Variants in EYS observed in about 807,000 individuals in gnomAD.
The protein encoded by EYS is protein eyes shut homolog.
A neutral mutation model predicts 282.1 loss-of-function variants in EYS; 250 were observed. The observed-to-expected ratio is 0.89, with a 90% CI of 0.80 to 0.98. EYS has a LOEUF of 0.98. Ranked by LOEUF, EYS falls within the 50% of genes least tolerant of loss-of-function variation. The probability of loss-of-function intolerance (pLI) is 0.00; values close to 1 mark genes in which losing one functional copy is unlikely to be tolerated. For synonymous variants in EYS, 1,355 were observed against 1,282.9 expected (o/e 1.06, Z -1.20); for missense variants, 4,016 against 3,709.0 (o/e 1.08, Z -2.15).
intron 1 of EYS, among the ~76,000 whole-genome samples, chr6:65,674,263 G>A (rs1428423020): frequency 6.6e-6 from 1 of 151,440 alleles, no homozygotes; most frequent in Non-Finnish European, 1.5e-5. Context: ...ATTGGGGCAA[G>A]GAAATGAACA....
intron 14 of EYS, among the ~76,000 whole-genome samples, chr6:64,992,863 G>A (rs1771114038): frequency 6.6e-6 from 1 of 151,940 alleles, no homozygotes; most frequent in African/African-American, 2.4e-5. Flanking sequence ...TGTATTCCTG[G>A]AGAAAGAAGA....
chr6:63,835,799 C>T (rs528567305), intron 36 of EYS, among the ~76,000 whole-genome samples: 13 of 151,998 alleles, frequency 8.6e-5, no homozygotes, highest in Non-Finnish European at 1.5e-4. Flanking sequence ...ACTTATTAAT[C>T]CTTCTAACTT....
At chr6:64,318,978 CCT>C (rs1239211512) in intron 29 of EYS, among the ~76,000 whole-genome samples, 8 of 151,702 alleles carry the variant, frequency 5.3e-5, no homozygotes, top group African/African-American at 1.9e-4. Flanking sequence ...TTATAGTCAC[CCT>C]GTTATACTAT....
At chr6:64,489,150 G>GAGAGATTTATT (rs1450444573) in intron 26 of EYS, among the ~76,000 whole-genome samples, 1 of 150,778 alleles carries the variant, frequency 6.6e-6, no homozygotes, top group East Asian at 1.9e-4. Context: ...CTTTTTTATG[G>GAGAGATTTATT]AGAGATTTAT....
chr6:64,344,710 A>T (rs1279480192), intron 29 of EYS, among the ~76,000 whole-genome samples: 1 of 152,100 alleles, frequency 6.6e-6, no homozygotes, highest in Non-Finnish European at 1.5e-5. Context: ...GCAATCAGGC[A>T]GGAGAAGGAA....
intron 31 of EYS, among the ~76,000 whole-genome samples, chr6:64,088,333 A>G (rs1181901704): frequency 6.6e-6 from 1 of 152,074 alleles, no homozygotes; most frequent in African/African-American, 2.4e-5. Context: ...TACATATAGT[A>G]TACTATATTA....
At chr6:65,357,861 T>C (rs1052745146) in intron 8 of EYS, among the ~76,000 whole-genome samples, 1 of 142,972 alleles carries the variant, frequency 7.0e-6, no homozygotes, top group Non-Finnish European at 1.6e-5. Context: ...GCTAAAACAC[T>C]ATTTTTTTTC....
chr6:65,372,100 T>A (rs1765177475), intron 8 of EYS, among the ~76,000 whole-genome samples: 1 of 151,966 alleles, frequency 6.6e-6, no homozygotes, highest in African/African-American at 2.4e-5. Flanking sequence ...TTGTGTTTTT[T>A]TCTTTGTTCT....
intron 22 of EYS, among the ~76,000 whole-genome samples, chr6:64,786,886 A>T (rs1433708357): frequency 6.6e-6 from 1 of 151,970 alleles, no homozygotes. Flanking sequence ...CTCTGACTTC[A>T]CTCTGAGGAG....
chr6:65,459,429 G>A (rs149988589), intron 5 of EYS, among the ~76,000 whole-genome samples: 5 of 152,058 alleles, frequency 3.3e-5, no homozygotes, highest in African/African-American at 7.2e-5. Flanking sequence ...TATAGTTTAA[G>A]TGTGAAACAA....
chr6:63,739,093 G>A (rs752522957), intron 41 of EYS, among the ~76,000 whole-genome samples: 1 of 151,374 alleles, frequency 6.6e-6, no homozygotes, highest in Non-Finnish European at 1.5e-5. Context: ...CTTTCTATCG[G>A]TATGGTATCA....
chr6:65,532,210 T>C (rs752678234), intron 2 of EYS, among the ~76,000 whole-genome samples: 15 of 152,128 alleles, frequency 9.9e-5, no homozygotes, highest in Non-Finnish European at 1.8e-4. Flanking sequence ...ACAAATTTTT[T>C]AAAATTAAAA....
At chr6:64,982,856 A>T (rs1049140379) in intron 14 of EYS, among the ~76,000 whole-genome samples, 38 of 151,240 alleles carry the variant, frequency 2.5e-4, no homozygotes, top group African/African-American at 9.2e-4. Flanking sequence ...AACCCAAAAT[A>T]CAGTTCTAAA....
chr6:64,306,926 G>A, intron 30 of EYS, 44 bp downstream of exon 30: 1 of 882,660 alleles, frequency 1.1e-6, no homozygotes, highest in Non-Finnish European at 1.8e-6. Context: ...TTTTGGTGTG[G>A]TTATTTGAAC....
intron 1 of EYS, among the ~76,000 whole-genome samples, chr6:65,659,660 T>A (rs185485901): frequency 1.3e-4 from 19 of 151,836 alleles, no homozygotes; most frequent in African/African-American, 4.6e-4. Flanking sequence ...ATTCATATAC[T>A]ATGAAAAAAT....
chr6:64,462,542 T>C (rs889223956), intron 26 of EYS, among the ~76,000 whole-genome samples: 7 of 152,238 alleles, frequency 4.6e-5, no homozygotes, highest in Middle Eastern at 3.4e-3. Flanking sequence ...CCACTTTTAC[T>C]CATCCTTCTA....
At chr6:64,973,273 C>T (rs1448925166) in intron 14 of EYS, among the ~76,000 whole-genome samples, 1 of 151,986 alleles carries the variant, frequency 6.6e-6, no homozygotes, top group Non-Finnish European at 1.5e-5. Context: ...ACTGACTACC[C>T]TTCTATGTAC....
intron 26 of EYS, among the ~76,000 whole-genome samples, chr6:64,557,091 C>T (rs1228598482): frequency 6.6e-6 from 1 of 151,536 alleles, no homozygotes; most frequent in South Asian, 2.1e-4. Context: ...ATTTTACTAT[C>T]AAATGGATTT....
At chr6:64,724,287 A>C (rs1302956142) in intron 22 of EYS, among the ~76,000 whole-genome samples, 2 of 152,186 alleles carry the variant, frequency 1.3e-5, no homozygotes, top group Non-Finnish European at 2.9e-5. Flanking sequence ...CTCTCAAAGC[A>C]TGTGCAGTTT....
Sources: gnomAD v4.1 joint callset for allele counts (sites outside exome capture counted in the v4.1 genomes callset) on GRCh38, gnomAD v4.1.1 for gene constraint, MANE v1.5 for transcripts, NCBI Gene and HGNC (gene_info 2026-07-23, HGNC 2026-07-21) for gene names.